The following SPON1 variants were observed in gnomAD, a reference collection of about 807,000 sequenced individuals.
SPON1 encodes the protein spondin-1.
A neutral mutation model predicts 111.7 loss-of-function variants in SPON1; 52 were observed. The observed-to-expected ratio is 0.47, with a 90% CI of 0.37 to 0.59. The LOEUF (loss-of-function observed/expected upper bound fraction) is 0.59, where lower values mean the gene tolerates loss of function less well. SPON1 is among the 20% of genes least tolerant of loss of function. The pLI, the probability that SPON1 is intolerant of heterozygous loss-of-function variation, is 0.00. For synonymous variants in SPON1, 410 were observed against 395.8 expected, an observed-to-expected ratio of 1.04 and a Z score of -0.43; for missense variants, 957 against 1,068.5, an observed-to-expected ratio of 0.90 and a Z score of 1.46.
chr11:14,231,195 A>G (rs1408958028), intron 6 of SPON1, among the ~76,000 whole-genome samples: 3 of 150,508 alleles, frequency 2.0e-5, no homozygotes, highest in East Asian at 3.9e-4. Context: ...GAGCAGTGGC[A>G]TGATCACAGC....
chr11:14,023,098 G>A (rs1399269169), intron 2 of SPON1, among the ~76,000 whole-genome samples: 2 of 152,210 alleles, frequency 1.3e-5, no homozygotes, highest in African/African-American at 4.8e-5. Context: ...CTCGGTGGGT[G>A]AGACAAATGG....
intron 5 of SPON1, among the ~76,000 whole-genome samples, chr11:14,094,747 G>A (rs1460259163): frequency 6.6e-6 from 1 of 152,174 alleles, no homozygotes; most frequent in Non-Finnish European, 1.5e-5. Flanking sequence ...GGAGGGAGAT[G>A]AGCAATGAAA....
intron 2 of SPON1, among the ~76,000 whole-genome samples, chr11:14,018,233 A>G (rs57482990): frequency 0.037 from 5,662 of 152,280 alleles, 360 homozygotes; most frequent in African/African-American, 0.13. Flanking sequence ...ACCACCTTTC[A>G]GACAATGAGC....
chr11:14,119,760 T>A (rs2133853185), intron 5 of SPON1, among the ~76,000 whole-genome samples: 1 of 152,230 alleles, frequency 6.6e-6, no homozygotes, highest in East Asian at 1.9e-4. Flanking sequence ...CAGTAGAGTC[T>A]TTCCTCTCCC....
rs1554927947 is a variant in SPON1 at position 14,135,376 on chromosome 11, A to G, written c.677-44A>G. On this transcript the variant is annotated intron_variant, in intron 5 of 15. Coordinates refer to ENST00000576479, the MANE Select transcript of SPON1 (RefSeq NM_006108.4). The surrounding 1 kb of genome is among the most constrained non-coding windows in gnomAD (Gnocchi z 4.4). ...CCATCATTTAAGGGACTCGTGTTTC[A>G]GCCACAGCCATGCTGATAACTGCCT... is the stretch of plus-strand genomic sequence containing the variant. 4.4e-6 allele frequency: 7 copies of G among 1,583,932 alleles called. No homozygotes were observed. The highest frequency in any genetic ancestry group is 6.0e-6 in the Non-Finnish European group (7 of 1,160,994).
At chr11:14,202,001 A>T (rs1234533658) in intron 6 of SPON1, among the ~76,000 whole-genome samples, 1 of 152,224 alleles carries the variant, frequency 6.6e-6, no homozygotes. Context: ...TAAATTATTC[A>T]TTATATTGAC....
chr11:14,206,640 A>AAAAT (rs1215729205), intron 6 of SPON1, among the ~76,000 whole-genome samples: 9 of 152,318 alleles, frequency 5.9e-5, no homozygotes, highest in African/African-American at 2.2e-4. Context: ...ATTGCCACAA[A>AAAAT]AAATAAAATA....
chr11:14,080,670 C>T (rs185161175), intron 5 of SPON1, among the ~76,000 whole-genome samples: 34 of 152,268 alleles, frequency 2.2e-4, no homozygotes, highest in African/African-American at 5.3e-4. Flanking sequence ...CTGGAAATAG[C>T]GGCAAAAGGG....
chr11:14,070,327 G>A (rs1848865415), intron 3 of SPON1, among the ~76,000 whole-genome samples: 1 of 152,126 alleles, frequency 6.6e-6, no homozygotes, highest in Admixed American at 6.5e-5. Flanking sequence ...GGCAAAAATA[G>A]TCTAGAGACC....
At chr11:14,122,387 A>G (rs1230456302) in intron 5 of SPON1, among the ~76,000 whole-genome samples, 3 of 152,084 alleles carry the variant, frequency 2.0e-5, no homozygotes, top group Admixed American at 6.6e-5. Context: ...GTTAGCCAGG[A>G]TGGTCTTGAT....
chr11:14,049,278 A>G (rs1477221255), intron 3 of SPON1, among the ~76,000 whole-genome samples: 1 of 151,912 alleles, frequency 6.6e-6, no homozygotes, highest in Non-Finnish European at 1.5e-5. Context: ...CTCTTTTTTT[A>G]TCACTGCTCT....
At chr11:14,133,031 A>C (rs1215960359) in intron 5 of SPON1, among the ~76,000 whole-genome samples, 3 of 152,240 alleles carry the variant, frequency 2.0e-5, no homozygotes, top group Non-Finnish European at 4.4e-5. Flanking sequence ...AGTAAGTGGT[A>C]ATGCTAGGAT....
At chr11:14,252,219 G>C (rs1554940728) in intron 7 of SPON1, among the ~76,000 whole-genome samples, 1 of 152,282 alleles carries the variant, frequency 6.6e-6, no homozygotes, top group Non-Finnish European at 1.5e-5. Context: ...AGAGGGAACA[G>C]TGAGGAAGTG....
intron 3 of SPON1, among the ~76,000 whole-genome samples, chr11:14,055,446 G>T (rs1204216239): frequency 1.3e-5 from 2 of 152,114 alleles, no homozygotes; most frequent in African/African-American, 4.8e-5. Context: ...CTCCTAAAAG[G>T]GTAGTCTTCC....
intron 1 of SPON1, among the ~76,000 whole-genome samples, chr11:13,965,853 G>T (rs1554907989): frequency 6.6e-6 from 1 of 152,190 alleles, no homozygotes; most frequent in African/African-American, 2.4e-5. Context: ...AGGCTGTGAA[G>T]CTGGCATTCC....
At chr11:14,192,246 GAT>G (rs35202633) in intron 6 of SPON1, among the ~76,000 whole-genome samples, 116,284 of 144,238 alleles carry the variant, frequency 0.81, 46,987 homozygotes, top group South Asian at 0.89. Flanking sequence ...TATCATTAGG[GAT>G]ATATATATAT....
chr11:14,216,367 G>A (rs1442542162), intron 6 of SPON1, among the ~76,000 whole-genome samples: 1 of 152,272 alleles, frequency 6.6e-6, no homozygotes, highest in Non-Finnish European at 1.5e-5. Flanking sequence ...CAAAACAGAA[G>A]CAAACAATGT....
Position 14,134,576 on chromosome 11 carries a change from C to T in SPON1, c.677-844C>T, listed in dbSNP as rs116549393. On this transcript the variant is annotated intron_variant, in intron 5 of 15. Coordinates refer to ENST00000576479, the MANE Select transcript of SPON1 (RefSeq NM_006108.4). ...ACATCCTTTAAATATAGCTAACCTG[C>T]CTGCCCCTTGTACTGAAATGTACAT... is the stretch of plus-strand genomic sequence containing the variant. Among the ~76,000 whole-genome samples the T allele has an allele frequency of 5.4e-3, 824 of 152,264 alleles. 11 individuals carry two copies. Among genetic ancestry groups the T allele is most frequent in the African/African-American group, 0.019 (784 of 41,532 alleles).
intron 5 of SPON1, among the ~76,000 whole-genome samples, chr11:14,085,812 C>G (rs1253935081): frequency 6.6e-6 from 1 of 152,142 alleles, no homozygotes; most frequent in Non-Finnish European, 1.5e-5. Flanking sequence ...TTTGTGTTCT[C>G]TCTTATTTCC....
Sources: gnomAD v4.1 joint callset for allele counts (sites outside exome capture counted in the v4.1 genomes callset) on GRCh38, gnomAD v4.1.1 for gene constraint, Gnocchi (gnomAD v3.1) non-coding constraint, MANE v1.5 for transcripts, NCBI Gene and HGNC (gene_info 2026-07-23, HGNC 2026-07-21) for gene names.